The following GRID1 variants were observed in gnomAD, a reference collection of about 807,000 sequenced individuals.
GRID1 encodes glutamate receptor ionotropic, delta-1.
A neutral mutation model predicts 98.0 loss-of-function variants in GRID1; 28 were observed. The observed-to-expected ratio is 0.29, with a 90% CI of 0.21 to 0.39. The LOEUF (loss-of-function observed/expected upper bound fraction) is 0.39. Ranked by LOEUF, GRID1 falls within the 10% of genes least tolerant of loss-of-function variation. GRID1 has a pLI of 1.00. For synonymous variants in GRID1, 553 were observed against 538.5 expected, an observed-to-expected ratio of 1.03 and a Z score of -0.37; for missense variants, 1,111 against 1,340.5, an observed-to-expected ratio of 0.83 and a Z score of 2.67.
chr10:85,772,900 A>G (rs1244974062), intron 8 of GRID1, among the ~76,000 whole-genome samples: 1 of 152,224 alleles, frequency 6.6e-6, no homozygotes, highest in Non-Finnish European at 1.5e-5. Flanking sequence ...AGGTACAGGG[A>G]GGAACTGGTA....
intron 2 of GRID1, among the ~76,000 whole-genome samples, chr10:86,307,030 A>G (rs1847767808): frequency 6.6e-6 from 1 of 152,242 alleles, no homozygotes; most frequent in South Asian, 2.1e-4. Flanking sequence ...GTGTCCCCAG[A>G]TGATGACAAG....
In GRID1 at chr10:86,000,959, G is replaced by A. The variant is rs145017879; in HGVS notation, c.727-84720C>T. Among the ~76,000 whole-genome samples the A allele has an allele frequency of 4.2e-3, 643 of 152,150 alleles. 11 individuals carry two copies. Among genetic ancestry groups the A allele is most frequent in the African/African-American group, 4.4e-3 (181 of 41,508 alleles). ...TAGAAACAACCACTTGTTCTTCAGC[G>A]GGTGAATGGAGAAACCAACTATGAT... is the stretch of plus-strand genomic sequence containing the variant. On this transcript the variant is annotated intron_variant, in intron 4 of 15. Coordinates refer to ENST00000327946, the MANE Select transcript of GRID1 (RefSeq NM_017551.3).
chr10:86,331,804 C>T (rs1255991531), intron 2 of GRID1, among the ~76,000 whole-genome samples: 1 of 152,228 alleles, frequency 6.6e-6, no homozygotes, highest in Non-Finnish European at 1.5e-5. Flanking sequence ...AGTAACTGGT[C>T]TGGCACAGAA....
intron 4 of GRID1, among the ~76,000 whole-genome samples, chr10:86,057,549 G>A (rs927276281): frequency 2.6e-5 from 4 of 152,202 alleles, no homozygotes; most frequent in Admixed American, 6.5e-5. Flanking sequence ...GCCCTCGGGT[G>A]TTCACTGTAG....
intron 4 of GRID1, among the ~76,000 whole-genome samples, chr10:86,137,886 G>C (rs568642702): frequency 1.3e-5 from 2 of 152,310 alleles, no homozygotes; most frequent in Admixed American, 1.3e-4. Flanking sequence ...TAATTAATTA[G>C]AAGGAAAAGC....
At chr10:86,246,338 A>T (rs986449171) in intron 2 of GRID1, among the ~76,000 whole-genome samples, 1 of 152,160 alleles carries the variant, frequency 6.6e-6, no homozygotes, top group African/African-American at 2.4e-5. Flanking sequence ...CCCTGTGTGG[A>T]CACTTCTCGC....
At chr10:86,106,219 T>A (rs551368169) in intron 4 of GRID1, among the ~76,000 whole-genome samples, 1 of 152,128 alleles carries the variant, frequency 6.6e-6, no homozygotes, top group African/African-American at 2.4e-5. Flanking sequence ...CAAAAAAAAA[T>A]TGAAGATTGG....
chr10:85,698,171 T>C (rs1841414328), intron 12 of GRID1, among the ~76,000 whole-genome samples: 1 of 152,110 alleles, frequency 6.6e-6, no homozygotes, highest in Non-Finnish European at 1.5e-5. Context: ...AAACCAAGGA[T>C]GTCAGATAAA....
intron 3 of GRID1, among the ~76,000 whole-genome samples, chr10:86,174,251 G>A (rs186134581): frequency 6.6e-6 from 1 of 151,980 alleles, no homozygotes; most frequent in Non-Finnish European, 1.5e-5. Context: ...ATACTACAAG[G>A]CTACAGTCAC....
chr10:86,172,931 C>G (rs578088538), intron 3 of GRID1, among the ~76,000 whole-genome samples: 1 of 152,304 alleles, frequency 6.6e-6, no homozygotes, highest in East Asian at 1.9e-4. Context: ...GTTGTTACCA[C>G]CTACACCTCA....
chr10:85,772,328 T>C (rs1484760328), intron 8 of GRID1, among the ~76,000 whole-genome samples: 3 of 151,632 alleles, frequency 2.0e-5, no homozygotes, highest in African/African-American at 4.9e-5. Flanking sequence ...AAGCAGTGTG[T>C]AGAGGGAAAT....
At position 86,343,437 on chromosome 10, in the gene GRID1, A is replaced by T. The variant is rs571096702; in HGVS notation, c.235+20504T>A. On this transcript the variant is annotated intron_variant, in intron 2 of 15. Transcript: ENST00000327946. Reference sequence around the variant, plus strand: ...GCCTGCCACCATCTCACTAATGGAAAGAAACCCAATATCTTGAGTTTTCTA... The same window carrying T: ...GCCTGCCACCATCTCACTAATGGAATGAAACCCAATATCTTGAGTTTTCTA... Among the ~76,000 whole-genome samples, 55 of 152,384 alleles carry T rather than the reference A, an allele frequency of 3.6e-4. No individual in the cohort carries two copies. The South Asian group carries it at 5.4e-3, about 15-fold the overall frequency.
chr10:85,981,027 C>A (rs1459382507), intron 4 of GRID1, among the ~76,000 whole-genome samples: 2 of 152,174 alleles, frequency 1.3e-5, no homozygotes, highest in Non-Finnish European at 2.9e-5. Context: ...ACAGCCTCAG[C>A]GTGGAGGGGC....
At chr10:85,812,665 T>A (rs1407437379) in intron 8 of GRID1, among the ~76,000 whole-genome samples, 1 of 151,934 alleles carries the variant, frequency 6.6e-6, no homozygotes, top group Non-Finnish European at 1.5e-5. Flanking sequence ...ACCTGAGGAC[T>A]CTAAAGTGTG....
chr10:85,857,209 T>C (rs920712898), intron 6 of GRID1, among the ~76,000 whole-genome samples: 4 of 152,228 alleles, frequency 2.6e-5, no homozygotes, highest in Non-Finnish European at 5.9e-5. Flanking sequence ...ACCCTTCTGC[T>C]TAGTTGTCTG....
intron 2 of GRID1, among the ~76,000 whole-genome samples, chr10:86,303,338 T>A (rs1278283830): frequency 6.6e-6 from 1 of 152,206 alleles, no homozygotes; most frequent in Non-Finnish European, 1.5e-5. Context: ...AAAATATTTT[T>A]AAAAAAATTA....
intron 13 of GRID1, among the ~76,000 whole-genome samples, chr10:85,631,948 T>A (rs943811746): frequency 4.6e-5 from 7 of 151,876 alleles, no homozygotes; most frequent in African/African-American, 7.3e-5. Context: ...GGAAGAGGAC[T>A]GTGCAGATAC....
intron 4 of GRID1, among the ~76,000 whole-genome samples, chr10:85,987,349 C>T (rs1842620936): frequency 6.6e-6 from 1 of 151,810 alleles, no homozygotes; most frequent in Non-Finnish European, 1.5e-5. Flanking sequence ...CATAGCCAAC[C>T]TAATCACCCT....
chr10:85,975,949 C>A (rs79376186), intron 4 of GRID1, among the ~76,000 whole-genome samples: 7,892 of 152,204 alleles, frequency 0.052, 251 homozygotes, highest in Middle Eastern at 0.11. Flanking sequence ...AACTAGCGTG[C>A]CATCTGTGAG....
Sources: allele counts gnomAD v4.1 joint callset (sites outside exome capture counted in the v4.1 genomes callset), GRCh38; gene constraint gnomAD v4.1.1; transcripts MANE v1.5; gene names NCBI Gene and HGNC (gene_info 2026-07-23, HGNC 2026-07-21).